USH2A: variants seen among roughly 807,000 people sequenced by gnomAD.
The protein encoded by USH2A is usherin, also known as Usher syndrome 2A (autosomal recessive, mild).
A neutral mutation model predicts 538.9 loss-of-function variants in USH2A; 443 were observed. The ratio of observed to expected loss-of-function variants is 0.82; its 90% CI spans 0.76 to 0.89. The LOEUF (loss-of-function observed/expected upper bound fraction) is 0.89. Among genes scored for constraint, USH2A ranks in the 40% least tolerant of loss-of-function variants. USH2A has a pLI of 0.00. For synonymous variants in USH2A, 2,413 were observed against 2,273.5 expected, an observed-to-expected ratio of 1.06 and a Z score of -1.75; for missense variants, 6,633 against 6,324.8, an observed-to-expected ratio of 1.05 and a Z score of -1.65.
chr1:216,313,527 A>G (rs761421814), intron 9 of USH2A, among the ~76,000 whole-genome samples: 6 of 152,074 alleles, frequency 3.9e-5, no homozygotes, highest in Non-Finnish European at 5.9e-5. Context: ...GCTACTTTTT[A>G]TACTCTTTCT....
chr1:216,159,052 T>A (rs2034003130), intron 21 of USH2A, among the ~76,000 whole-genome samples: 1 of 152,204 alleles, frequency 6.6e-6, no homozygotes, highest in Admixed American at 6.5e-5. Context: ...TACATTGACC[T>A]TTATTCGACA....
In USH2A at chr1:215,782,220, GC is replaced by G. The variant is rs748792195; in HGVS notation, c.10586-25del. The G allele has an allele frequency of 3.1e-6, 5 of 1,611,282 alleles. No homozygotes were observed. In the African/African-American group the frequency reaches 5.3e-5, roughly 17 times the overall value. On this transcript the variant is annotated intron_variant, in intron 53 of 71. Transcript: ENST00000307340. ...ACCTAAAAGAAGCAGAAAAATGACT[GC>G]ATTTGAATGTGATATCATTTTAACT...
At chr1:216,364,370 A>T (rs1440167415) in intron 4 of USH2A, among the ~76,000 whole-genome samples, 1 of 152,208 alleles carries the variant, frequency 6.6e-6, no homozygotes, top group Non-Finnish European at 1.5e-5. Flanking sequence ...TTAAAAACTG[A>T]TCAGAATAAA....
chr1:216,125,132 C>T (rs189678373), intron 21 of USH2A, among the ~76,000 whole-genome samples: 2 of 151,882 alleles, frequency 1.3e-5, no homozygotes, highest in East Asian at 1.9e-4. Flanking sequence ...GATCTTGAAC[C>T]TTAATATCAA....
chr1:216,084,822 A>G lies in USH2A; in HGVS notation c.5043T>C (p.Asn1681=). The G allele has an allele frequency of 6.2e-7, 1 of 1,613,554 alleles. No individual in the cohort carries two copies. The highest frequency in any genetic ancestry group is 8.5e-7 in the Non-Finnish European group (1 of 1,179,666). ...GCLKDVHFMK[N]YNPSAIWEPL... ...GTTCCCAAATAGCTGACGGATTGTAATTCTTCATAAAATGTACATCCTTGA... is the reference window on the plus strand; with the variant it reads ...GTTCCCAAATAGCTGACGGATTGTAGTTCTTCATAAAATGTACATCCTTGA... Residue 1681 remains asparagine (N), a synonymous_variant, in exon 25 of 72, where the codon AAT becomes AAC. Coordinates refer to ENST00000307340, the MANE Select transcript of USH2A (RefSeq NM_206933.4).
intron 3 of USH2A, among the ~76,000 whole-genome samples, chr1:216,414,037 ATT>A (rs1268067567): frequency 1.3e-5 from 2 of 152,122 alleles, no homozygotes; most frequent in African/African-American, 2.4e-5. Flanking sequence ...GCTAAAGTAA[ATT>A]TTTTTACATA....
At chr1:216,319,319 AAC>A (rs1317834531) in intron 9 of USH2A, among the ~76,000 whole-genome samples, 5 of 152,204 alleles carry the variant, frequency 3.3e-5, no homozygotes, top group East Asian at 1.9e-4. Flanking sequence ...CAAAAATTTA[AAC>A]ACACAATTAT....
intron 49 of USH2A, among the ~76,000 whole-genome samples, chr1:215,802,161 C>G (rs1312397938): frequency 2.0e-5 from 3 of 151,734 alleles, no homozygotes; most frequent in Non-Finnish European, 4.4e-5. Context: ...CTAAAACTTA[C>G]AATTCTTAGA....
chr1:215,757,733 T>A (rs1558084969), intron 58 of USH2A, among the ~76,000 whole-genome samples: 2 of 152,210 alleles, frequency 1.3e-5, no homozygotes, highest in Non-Finnish European at 2.9e-5. Context: ...CAAAATATAA[T>A]GTTGCACTAA....
intron 31 of USH2A, among the ~76,000 whole-genome samples, chr1:216,046,955 C>G (rs548671833): frequency 6.6e-6 from 1 of 152,238 alleles, no homozygotes; most frequent in East Asian, 1.9e-4. Flanking sequence ...ATGAGTAATG[C>G]TGGTGAATGT....
In USH2A at chr1:215,838,121, G is replaced by GA. The variant is rs775263495; in HGVS notation, c.9259-19dup. The GA allele has an allele frequency of 2.5e-6, 4 of 1,598,326 alleles. No individual in the cohort carries two copies. The East Asian group carries it at 8.9e-5, about 36-fold the overall frequency. ...ACTTCAACCTGCAAACATTAGTTTA[G>GA]AAAAAATAAATGCAACCATTTTTGA... On this transcript the variant is annotated intron_variant, in intron 46 of 71. Transcript: ENST00000307340.
At chr1:216,064,123 T>A (rs2102540387) in intron 30 of USH2A, among the ~76,000 whole-genome samples, 1 of 152,326 alleles carries the variant, frequency 6.6e-6, no homozygotes, top group South Asian at 2.1e-4. Flanking sequence ...CTGAGCCCTG[T>A]CATACTGAAT....
rs775517668 is a variant in USH2A at position 216,196,760 on chromosome 1, G to T, written c.4082-38C>A. 2.6e-5 allele frequency: 42 copies of T among 1,594,914 alleles called. No homozygotes were observed. The Middle Eastern group carries it at 6.6e-4, about 25-fold the overall frequency. On this transcript the variant is annotated intron_variant, in intron 18 of 71. Coordinates refer to ENST00000307340, the MANE Select transcript of USH2A (RefSeq NM_206933.4). Reference sequence around the variant, plus strand: ...ACAATAACAATAACATCAAAACAATGAATGTCGTCCCTATATATTTTTAAA... The same window carrying T: ...ACAATAACAATAACATCAAAACAATTAATGTCGTCCCTATATATTTTTAAA...
intron 15 of USH2A, among the ~76,000 whole-genome samples, chr1:216,210,752 G>A (rs2035222385): frequency 6.6e-6 from 1 of 152,016 alleles, no homozygotes; most frequent in African/African-American, 2.4e-5. Context: ...AAGGGTCGAG[G>A]CGGGCGGATC....
chr1:215,908,444 TA>T (rs1665694148), intron 38 of USH2A, among the ~76,000 whole-genome samples: 1 of 151,936 alleles, frequency 6.6e-6, no homozygotes, highest in South Asian at 2.1e-4. Context: ...AGAACTCTTT[TA>T]AAAGTACTAT....
intron 61 of USH2A, among the ~76,000 whole-genome samples, chr1:215,705,689 C>T (rs1352971239): frequency 6.6e-6 from 1 of 152,178 alleles, no homozygotes; most frequent in Admixed American, 6.5e-5. Flanking sequence ...TTGGTCACAA[C>T]ACTAATGGGA....
chr1:216,273,680 T>A (rs2036616471), intron 11 of USH2A, among the ~76,000 whole-genome samples: 1 of 151,994 alleles, frequency 6.6e-6, no homozygotes, highest in African/African-American at 2.4e-5. Flanking sequence ...AAATGCTATA[T>A]CACTGAAATA....
chr1:215,667,387 C>CTAT (rs1225059134), intron 64 of USH2A, among the ~76,000 whole-genome samples: 9 of 152,124 alleles, frequency 5.9e-5, no homozygotes, highest in African/African-American at 2.2e-4. Flanking sequence ...TAGCTCCTCC[C>CTAT]TCTCTATAAG....
In USH2A at chr1:216,261,506, T is replaced by C. The variant is rs544597578; in HGVS notation, c.1972-10408A>G. ...CAACTAAAAGATTAGAAGAGAAAGA[T>C]AAGAAAATACATCAGAAAGGCTAAC... On this transcript the variant is annotated intron_variant, in intron 11 of 71. Transcript: ENST00000307340. Among the ~76,000 whole-genome samples the C allele has an allele frequency of 1.4e-3, 202 of 140,908 alleles. 1 individual carries two copies. Among genetic ancestry groups the C allele is most frequent in the South Asian group, 2.9e-3 (13 of 4,520 alleles). 92.4% of individuals were successfully genotyped at this position (140,908 alleles called of 152,430 possible). A position where few individuals can be genotyped will look rare whatever the true frequency, so the allele number is the denominator to read the frequency against.
Sources: allele counts gnomAD v4.1 joint callset (sites outside exome capture counted in the v4.1 genomes callset), GRCh38; gene constraint gnomAD v4.1.1; transcripts MANE v1.5; gene names NCBI Gene and HGNC (gene_info 2026-07-23, HGNC 2026-07-21).